The following ARHGAP17 variants were observed in gnomAD, a reference collection of about 807,000 sequenced individuals.
The protein encoded by ARHGAP17 is rho GTPase-activating protein 17.
In ARHGAP17, 57 loss-of-function variants were observed where a neutral mutation model predicts 99.5. The observed-to-expected ratio is 0.57, with a 90% CI of 0.46 to 0.71. ARHGAP17 has a LOEUF of 0.71. Ranked by LOEUF, ARHGAP17 falls within the 30% of genes least tolerant of loss-of-function variation. The pLI is 0.00. For synonymous variants in ARHGAP17, 417 were observed against 429.6 expected (o/e 0.97, Z 0.36); for missense variants, 1,000 against 1,122.4 (o/e 0.89, Z 1.56).
At chr16:24,990,389 A>C (rs1014213732) in intron 1 of ARHGAP17, among the ~76,000 whole-genome samples, 3 of 151,998 alleles carry the variant, frequency 2.0e-5, no homozygotes, top group Non-Finnish European at 2.9e-5. Context: ...AGAAGGTTGA[A>C]GTGGGAGGAT....
intron 4 of ARHGAP17, 30 bp from the exon 5 acceptor site, chr16:24,968,802 A>C (rs1597426490): frequency 6.2e-7 from 1 of 1,607,502 alleles, no homozygotes; most frequent in East Asian, 2.2e-5. Context: ...AACAACGAGC[A>C]CGTGCTCATT....
chr16:24,996,949 A>G (rs1463136061), intron 1 of ARHGAP17, among the ~76,000 whole-genome samples: 1 of 152,150 alleles, frequency 6.6e-6, no homozygotes, highest in Non-Finnish European at 1.5e-5. Context: ...TGTCTAGAAT[A>G]TGGAGAAATC....
intron 3 of ARHGAP17, among the ~76,000 whole-genome samples, chr16:24,971,831 G>A (rs1482647514): frequency 1.3e-5 from 2 of 152,120 alleles, no homozygotes; most frequent in South Asian, 2.1e-4. Context: ...ACCCAAAGCC[G>A]AAGGAGGTCA....
chr16:24,941,137 T>TA (rs568719554), intron 16 of ARHGAP17, among the ~76,000 whole-genome samples: 64 of 152,220 alleles, frequency 4.2e-4, no homozygotes, highest in African/African-American at 1.5e-3. Context: ...TTGCTAGGGG[T>TA]AAAAAATGCA....
At chr16:24,958,616 A>G (rs2051883391) in intron 9 of ARHGAP17, among the ~76,000 whole-genome samples, 1 of 152,258 alleles carries the variant, frequency 6.6e-6, no homozygotes, top group Non-Finnish European at 1.5e-5. Flanking sequence ...GTCAGGCAAG[A>G]CATAAAATTT....
In ARHGAP17 at chr16:24,920,133, C is replaced by T. The variant is rs1415251424; in HGVS notation, c.2643G>A (p.Leu881=). 3.7e-6 allele frequency: 6 copies of T among 1,613,278 alleles called. No individual in the cohort carries two copies. The African/African-American group carries it at 8.0e-5, about 22-fold the overall frequency. The change falls in exon 20 of 20, where the codon CTG becomes CTA. Residue 881 remains leucine, a synonymous_variant. Coordinates refer to ENST00000289968, the MANE Select transcript of ARHGAP17 (RefSeq NM_001006634.3). ...DIDNDTESTA[L] is the part of the protein sequence containing the mutation. Reference sequence around the variant, plus strand: ...GAGGGCTGGGAAAGGGCTTTCTTCACAGGGCAGTGCTCTCGGTATCATTGT... The same window carrying T: ...GAGGGCTGGGAAAGGGCTTTCTTCATAGGGCAGTGCTCTCGGTATCATTGT...
rs564534554 is a variant in ARHGAP17 at position 24,942,705 on chromosome 16, T to C, written c.1334-562A>G. Among the ~76,000 whole-genome samples, 9 of 150,808 alleles carry C rather than the reference T, an allele frequency of 6.0e-5. No homozygotes were observed. In the East Asian group the frequency reaches 1.6e-3, roughly 26 times the overall value. On this transcript the variant is annotated intron_variant, in intron 15 of 19. Transcript: ENST00000289968. ...ATCGCTTGAACCTGGGAGGCAGAGG[T>C]TGCAGTGGGCCGAGATCGCGCCACT... is the stretch of plus-strand genomic sequence containing the variant.
intron 3 of ARHGAP17, among the ~76,000 whole-genome samples, chr16:24,976,215 C>T (rs1197145277): frequency 6.6e-6 from 1 of 152,222 alleles, no homozygotes; most frequent in Non-Finnish European, 1.5e-5. Context: ...GAAAAAGCAG[C>T]TTTCTCACTC....
Position 24,930,866 on chromosome 16 carries a change from T to C in ARHGAP17, c.2433A>G (p.Pro811=). The part of the protein sequence containing the change: ...PKPRNRPSVP[P]PPQPPGVHSA... Reference sequence around the variant, plus strand: ...AGTGGACACCAGGAGGTTGGGGGGGTGGGGGCACGCTGGGCCGGTTCCTTG... The same window carrying C: ...AGTGGACACCAGGAGGTTGGGGGGGCGGGGGCACGCTGGGCCGGTTCCTTG... Residue 811 remains proline (P), a synonymous_variant, in exon 19 of 20, where the codon CCA becomes CCG. Transcript: ENST00000289968. 1 of 1,610,710 alleles carries C rather than the reference T, an allele frequency of 6.2e-7. No individual in the cohort carries two copies. The highest frequency in any genetic ancestry group is 1.7e-4 in the Middle Eastern group (1 of 6,058).
intron 1 of ARHGAP17, among the ~76,000 whole-genome samples, chr16:25,000,392 G>C (rs1030028283): frequency 2.0e-5 from 3 of 152,172 alleles, no homozygotes; most frequent in African/African-American, 7.2e-5. Flanking sequence ...CTAGAGAGCA[G>C]CTCCCAGCAT....
chr16:24,997,589 T>G (rs1191074100), intron 1 of ARHGAP17, among the ~76,000 whole-genome samples: 2 of 151,754 alleles, frequency 1.3e-5, no homozygotes, highest in Non-Finnish European at 2.9e-5. Context: ...AAACACGAGA[T>G]CCAAGTGAGA....
Position 24,939,369 on chromosome 16 carries a change from G to C in ARHGAP17, c.1719C>G (p.Asp573Glu). The C allele has an allele frequency of 6.2e-7, 1 of 1,601,912 alleles. No individual in the cohort carries two copies. The highest frequency in any genetic ancestry group is 1.1e-5 in the South Asian group (1 of 89,496). Residue 573 changes from aspartate to glutamate, a missense_variant, in exon 17 of 20, where the codon GAC becomes GAG. Asp to Glu is a conservative substitution (Grantham distance 45, BLOSUM62 2). This residue lies in a region of ARHGAP17 where 528 missense variants were observed against 511.4 expected (regional missense o/e 1.03). Coordinates refer to ENST00000289968, the MANE Select transcript of ARHGAP17 (RefSeq NM_001006634.3). Reference protein sequence around the residue: ...GILEQGPSPGDGSPPKPKDPV... With the variant: ...GILEQGPSPGEGSPPKPKDPV... ...GCAGAAGTCAGCCTCCTTACCTGCC[G>C]TCGCCTGGGCTCGGCCCCTGCTCCA...
intron 17 of ARHGAP17, among the ~76,000 whole-genome samples, chr16:24,938,164 C>T (rs1447964756): frequency 6.6e-6 from 1 of 152,094 alleles, no homozygotes; most frequent in East Asian, 1.9e-4. Context: ...GAGTTTGAGA[C>T]CAGCCTGACC....
chr16:24,960,957 C>T (rs1470919618), intron 7 of ARHGAP17, among the ~76,000 whole-genome samples: 2 of 152,074 alleles, frequency 1.3e-5, no homozygotes, highest in East Asian at 1.9e-4. Context: ...CTGAAACCTC[C>T]ACCTCCCGGG....
Position 24,978,969 on chromosome 16 carries a change from TA to T in ARHGAP17, c.89del (p.Leu30TyrfsTer42). 6.3e-7 allele frequency: 1 copy of T among 1,590,348 alleles called. No homozygotes were observed. The highest frequency in any genetic ancestry group is 8.5e-7 in the Non-Finnish European group (1 of 1,171,682). On this transcript the variant is annotated frameshift_variant, in exon 2 of 20. Transcript: ENST00000289968. LOFTEE classifies it high-confidence loss of function. ...AAAGGAGACTATATTTTGTTACCTG[TA>T]ATAGATCTTCACTAAGGACTTCTGT... ...EKTEVLSEDL[L>X]QIERRLDTVR...
intron 19 of ARHGAP17, among the ~76,000 whole-genome samples, chr16:24,923,136 A>G (rs759707884): frequency 7.2e-5 from 11 of 152,330 alleles, no homozygotes; most frequent in African/African-American, 2.4e-4. Flanking sequence ...CCAAGGTGAC[A>G]CAGCCAGTGT....
chr16:24,974,431 A>AAAAC (rs1055591529), intron 3 of ARHGAP17, among the ~76,000 whole-genome samples: 1 of 152,116 alleles, frequency 6.6e-6, no homozygotes, highest in Non-Finnish European at 1.5e-5. Context: ...TCCATCTCAA[A>AAAAC]AAACAAACAA....
chr16:24,972,045 G>T (rs2052381745), intron 3 of ARHGAP17, among the ~76,000 whole-genome samples: 1 of 152,206 alleles, frequency 6.6e-6, no homozygotes, highest in African/African-American at 2.4e-5. Flanking sequence ...AATTTCACCT[G>T]CCCAGCAGAA....
At position 24,968,727 on chromosome 16, in the gene ARHGAP17, G is replaced by C. The variant is rs1217838619; in HGVS notation, c.318C>G (p.Leu106=). ...CAAAGACTTCGTGCTGGGAGAGCTCGAGAGCCAGCTGATTCTCAGCATCTC... is the reference window on the plus strand; with the variant it reads ...CAAAGACTTCGTGCTGGGAGAGCTCCAGAGCCAGCTGATTCTCAGCATCTC... ...TCGDAENQLA[L]ELSQHEVFVE... Residue 106 remains leucine, a synonymous_variant, in exon 5 of 20, where the codon CTC becomes CTG. Coordinates refer to ENST00000289968, the MANE Select transcript of ARHGAP17 (RefSeq NM_001006634.3). 6.2e-7 allele frequency: 1 copy of C among 1,614,168 alleles called. No individual in the cohort carries two copies. The highest frequency in any genetic ancestry group is 8.5e-7 in the Non-Finnish European group (1 of 1,180,048).
Sources: allele counts gnomAD v4.1 joint callset (sites outside exome capture counted in the v4.1 genomes callset), GRCh38; gene constraint gnomAD v4.1.1; regional missense constraint gnomAD v4.1.1; transcripts MANE v1.5; gene names NCBI Gene and HGNC (gene_info 2026-07-23, HGNC 2026-07-21).